Variants in KIAA1328 observed in about 807,000 individuals in gnomAD.
KIAA1328 encodes KIAA1328.
In KIAA1328, 52 loss-of-function variants were observed where a neutral mutation model predicts 68.1. That is an observed-to-expected ratio of 0.76 (90% CI 0.61 to 0.96). The LOEUF (loss-of-function observed/expected upper bound fraction) is 0.96, where lower values mean the gene tolerates loss of function less well. Among genes scored for constraint, KIAA1328 ranks in the 40% least tolerant of loss-of-function variants. KIAA1328 has a pLI of 0.00. For missense variants in KIAA1328, 641 were observed against 677.6 expected (o/e 0.95, Z 0.60); for synonymous variants, 232 against 239.4 (o/e 0.97, Z 0.28).
At chr18:37,209,572 G>T (rs187350291) in intron 9 of KIAA1328, among the ~76,000 whole-genome samples, 350 of 152,238 alleles carry the variant, frequency 2.3e-3, no homozygotes, top group African/African-American at 7.9e-3. Context: ...GCTAAAGAAG[G>T]CCTCTTTGAG....
chr18:37,227,473 G>A (rs2060646118), downstream of KIAA1328, among the ~76,000 whole-genome samples: 1 of 152,198 alleles, frequency 6.6e-6, no homozygotes, highest in Non-Finnish European at 1.5e-5. Flanking sequence ...AATGTAGTTA[G>A]TGACTTTAAG....
At chr18:37,024,183 G>A (rs760063673) in intron 6 of KIAA1328, among the ~76,000 whole-genome samples, 1 of 151,774 alleles carries the variant, frequency 6.6e-6, no homozygotes, top group African/African-American at 2.4e-5. Context: ...TTGTGGAGAT[G>A]GGGTACTGCT....
chr18:37,064,915 T>A (rs1244421577), intron 6 of KIAA1328, among the ~76,000 whole-genome samples: 1 of 152,224 alleles, frequency 6.6e-6, no homozygotes, highest in East Asian at 1.9e-4. Flanking sequence ...TGAAACAGAT[T>A]TCTAATTTCT....
intron 5 of KIAA1328, among the ~76,000 whole-genome samples, chr18:36,937,843 A>G (rs2050563085): frequency 6.6e-6 from 1 of 152,008 alleles, no homozygotes; most frequent in Non-Finnish European, 1.5e-5. Flanking sequence ...TTTAGCTCCC[A>G]TATGTGAGAA....
At chr18:37,099,302 A>G (rs2057521798) in intron 7 of KIAA1328, among the ~76,000 whole-genome samples, 2 of 152,322 alleles carry the variant, frequency 1.3e-5, no homozygotes, top group Admixed American at 6.5e-5. Flanking sequence ...TTCAAAGAAC[A>G]TCTTTATTTC....
chr18:36,905,077 G>A (rs928455465), intron 5 of KIAA1328, among the ~76,000 whole-genome samples: 2 of 140,970 alleles, frequency 1.4e-5, no homozygotes, highest in African/African-American at 2.6e-5. Flanking sequence ...TATCTTGTAA[G>A]GAGATATTTA....
chr18:36,945,940 A>G (rs960509578), intron 5 of KIAA1328, among the ~76,000 whole-genome samples: 1 of 152,096 alleles, frequency 6.6e-6, no homozygotes, highest in Non-Finnish European at 1.5e-5. Flanking sequence ...CAGATTTTGG[A>G]TTTTTTTAGA....
Position 36,945,405 on chromosome 18 carries a change from G to A in KIAA1328, c.449-13903G>A, listed in dbSNP as rs556849287. ...AGACAATAACCGCCCCCCCCACGAA[G>A]TTACTTAATTTTTCTCTGAGCAGTA... is the stretch of plus-strand genomic sequence containing the variant. On this transcript the variant is annotated intron_variant, in intron 5 of 9. Coordinates refer to ENST00000280020, the MANE Select transcript of KIAA1328 (RefSeq NM_020776.3). Among the ~76,000 whole-genome samples the A allele has an allele frequency of 7.9e-5, 12 of 152,152 alleles. 1 individual carries two copies. The South Asian group carries it at 2.3e-3, about 29-fold the overall frequency.
intron 7 of KIAA1328, among the ~76,000 whole-genome samples, chr18:37,119,438 A>G (rs1372884291): frequency 6.6e-6 from 1 of 152,146 alleles, no homozygotes; most frequent in Non-Finnish European, 1.5e-5. Flanking sequence ...TGGAAGTACA[A>G]GATCAGAGTG....
At chr18:36,933,941 G>A (rs1483213536) in intron 5 of KIAA1328, among the ~76,000 whole-genome samples, 2 of 152,176 alleles carry the variant, frequency 1.3e-5, no homozygotes, top group East Asian at 3.9e-4. Flanking sequence ...GGGGATAGGC[G>A]CCTGTGGCCA....
At chr18:37,217,725 A>G (rs1408314437) in intron 9 of KIAA1328, among the ~76,000 whole-genome samples, 2 of 152,140 alleles carry the variant, frequency 1.3e-5, no homozygotes, top group African/African-American at 4.8e-5. Flanking sequence ...GCCTTGCTAG[A>G]TTGGGGAAAT....
chr18:37,026,860 G>A (rs1451610423), intron 6 of KIAA1328, among the ~76,000 whole-genome samples: 1 of 152,156 alleles, frequency 6.6e-6, no homozygotes, highest in Non-Finnish European at 1.5e-5. Flanking sequence ...CACAGTGTTG[G>A]AAGTTCTGGC....
At chr18:36,988,861 G>A (rs1441333274) in intron 6 of KIAA1328, among the ~76,000 whole-genome samples, 1 of 152,068 alleles carries the variant, frequency 6.6e-6, no homozygotes, top group East Asian at 1.9e-4. Context: ...AGTTAACACT[G>A]CTAAGTCTCA....
intron 5 of KIAA1328, among the ~76,000 whole-genome samples, chr18:36,892,173 A>G (rs2151003574): frequency 6.6e-6 from 1 of 152,298 alleles, no homozygotes. Context: ...AGGAAGCTGT[A>G]TCATAGATCT....
intron 7 of KIAA1328, among the ~76,000 whole-genome samples, chr18:37,127,078 C>T (rs2058411001): frequency 6.6e-6 from 1 of 151,770 alleles, no homozygotes; most frequent in South Asian, 2.1e-4. Context: ...AAAGGAAAGG[C>T]AAGAAAAAGA....
chr18:36,977,533 C>G (rs563523345), intron 6 of KIAA1328, among the ~76,000 whole-genome samples: 32 of 152,272 alleles, frequency 2.1e-4, no homozygotes, highest in African/African-American at 7.7e-4. Flanking sequence ...TCTACTCTTA[C>G]TTGGTGCCGT....
At position 37,221,978 on chromosome 18, in the gene KIAA1328, T is replaced by C. The variant is rs184680266; in HGVS notation, c.1524-39T>C. ...GGCTTCTTGAATTCTCATTTTCTAATAATCTGATCCTTTCCTGTCTGGGTT... is the reference window on the plus strand; with the variant it reads ...GGCTTCTTGAATTCTCATTTTCTAACAATCTGATCCTTTCCTGTCTGGGTT... On this transcript the variant is annotated intron_variant, in intron 9 of 9. Transcript: ENST00000280020. The C allele has an allele frequency of 2.6e-3, 4,115 of 1,586,312 alleles. 5 individuals carry two copies. The highest frequency in any genetic ancestry group is 3.0e-3 in the Non-Finnish European group (3,531 of 1,162,610).
intron 7 of KIAA1328, among the ~76,000 whole-genome samples, chr18:37,138,549 C>G (rs1399049847): frequency 6.6e-6 from 1 of 152,128 alleles, no homozygotes; most frequent in East Asian, 1.9e-4. Context: ...AGGAACCATG[C>G]CAGTGTCTTT....
At chr18:37,052,194 A>C (rs1273144565) in intron 6 of KIAA1328, among the ~76,000 whole-genome samples, 2 of 152,236 alleles carry the variant, frequency 1.3e-5, no homozygotes, top group Non-Finnish European at 2.9e-5. Context: ...ATGGTTCAAC[A>C]TATGCAAATG....
Sources: gnomAD v4.1 joint callset for allele counts (sites outside exome capture counted in the v4.1 genomes callset) on GRCh38, gnomAD v4.1.1 for gene constraint, MANE v1.5 for transcripts, NCBI Gene and HGNC (gene_info 2026-07-23, HGNC 2026-07-21) for gene names.